Variants in CGN observed in about 807,000 individuals in gnomAD.
The protein encoded by CGN is cingulin.
A neutral mutation model predicts 157.1 loss-of-function variants in CGN; 121 were observed. That is an observed-to-expected ratio of 0.77 (90% CI 0.66 to 0.90). CGN has a LOEUF of 0.90. Ranked by LOEUF, CGN falls within the 40% of genes least tolerant of loss-of-function variation. The pLI is 0.00. For synonymous variants in CGN, 535 were observed against 607.5 expected, an observed-to-expected ratio of 0.88 and a Z score of 1.76; for missense variants, 1,424 against 1,520.9, an observed-to-expected ratio of 0.94 and a Z score of 1.06.
intron 10 of CGN, among the ~76,000 whole-genome samples, chr1:151,529,142 C>T (rs1411915191): frequency 6.6e-6 from 1 of 152,108 alleles, no homozygotes; most frequent in Non-Finnish European, 1.5e-5. Context: ...CACATATTTT[C>T]GGTTCTCTTG....
chr1:151,510,348 GAAC>G (rs1385105942), upstream of CGN, among the ~76,000 whole-genome samples: 1 of 152,130 alleles, frequency 6.6e-6, no homozygotes, highest in Non-Finnish European at 1.5e-5. Context: ...AACTAAATGA[GAAC>G]AAAATCCGGA....
intron 9 of CGN, among the ~76,000 whole-genome samples, chr1:151,526,100 T>C (rs1414904925): frequency 6.6e-6 from 1 of 151,982 alleles, no homozygotes. Flanking sequence ...CTCGAACTCC[T>C]GACCTCAGGT....
chr1:151,534,793 A>G (rs1040767491), intron 15 of CGN: 14 of 481,658 alleles, frequency 2.9e-5, no homozygotes, highest in Admixed American at 1.9e-4. Context: ...TGAAGAGTAG[A>G]TTCTGGGGTT....
chr1:151,534,471 C>G (rs1664912689), intron 15 of CGN: 1 of 310,404 alleles, frequency 3.2e-6, no homozygotes, highest in Admixed American at 5.1e-5. Context: ...ATAGCAGCAG[C>G]AAACATATTG....
chr1:151,524,769 C>A lies in CGN; in HGVS notation c.1497C>A (p.Ala499=). The A allele has an allele frequency of 6.2e-7, 1 of 1,612,716 alleles. No homozygotes were observed. The highest frequency in any genetic ancestry group is 8.5e-7 in the Non-Finnish European group (1 of 1,179,808). ...GGCTGCGGGAGCGGGAGTTGACAGC[C>A]CTGAAGGGGGCCCTGAAAGAGGAGG... The part of the protein sequence containing the change: ...QLRLRERELT[A]LKGALKEEVA... Residue 499 remains alanine, a synonymous_variant, in exon 8 of 21, where the codon GCC becomes GCA. Transcript: ENST00000271636. The surrounding 1 kb of genome is among the most constrained non-coding windows in gnomAD (Gnocchi z 4.4).
In CGN at chr1:151,529,422, C is replaced by T; in HGVS notation, c.1969C>T (p.His657Tyr). 6.2e-7 allele frequency: 1 copy of T among 1,613,764 alleles called. No individual in the cohort carries two copies. The highest frequency in any genetic ancestry group is 8.5e-7 in the Non-Finnish European group (1 of 1,179,882). Residue 657 changes from histidine to tyrosine, a missense_variant, in exon 11 of 21, where the codon CAC becomes TAC. Transcript: ENST00000271636. ...GCAGAGCCAGGAGGTGGCTGGGCGA[C>T]ACCGGGACCGGGAGTTGGAGAAGCA... is the stretch of plus-strand genomic sequence containing the variant. ...ERQSQEVAGR[H>Y]RDRELEKQLA...
Position 151,523,572 on chromosome 1 carries a change from C to A in CGN, c.1268+11C>A. ...GCAGAGCAACAAGGAGTGAGTGCAG[C>A]TGGTGGCGCACCTCGGGCTGCTTGG... On this transcript the variant is annotated intron_variant, in intron 6 of 20. Coordinates refer to ENST00000271636, the MANE Select transcript of CGN (RefSeq NM_020770.3). 6.3e-7 allele frequency: 1 copy of A among 1,597,236 alleles called. No individual in the cohort carries two copies. The highest frequency in any genetic ancestry group is 8.5e-7 in the Non-Finnish European group (1 of 1,172,694).
At position 151,518,889 on chromosome 1, in the gene CGN, C is replaced by T. The variant is rs1450110871; in HGVS notation, c.370C>T (p.Pro124Ser). The change falls in exon 2 of 21, where the codon CCT becomes TCT. Residue 124 changes from proline to serine, a missense_variant. By Grantham distance (74) the Pro-to-Ser change is moderately conservative. Transcript: ENST00000271636. Reference protein sequence around the residue: ...PSQSSTSDEEPGAYWNGKLLR... With the variant: ...PSQSSTSDEESGAYWNGKLLR... ...GCAGAGCAGCACATCTGATGAGGAG[C>T]CTGGGGCCTACTGGAATGGAAAGCT... 5 of 1,613,960 alleles carry T rather than the reference C, an allele frequency of 3.1e-6. No homozygotes were observed. Among genetic ancestry groups the T allele is most frequent in the Admixed American group, 1.7e-5 (1 of 59,982 alleles).
chr1:151,537,121 T>C, intron 20 of CGN, 84 bp from the exon 21 acceptor site: 3 of 1,464,282 alleles, frequency 2.0e-6, no homozygotes, highest in Non-Finnish European at 2.8e-6. Context: ...TTAGAAGAAT[T>C]GGGGTTTCCT....
At position 151,518,556 on chromosome 1, in the gene CGN, C is replaced by T. The variant is rs780503507; in HGVS notation, c.37C>T (p.Pro13Ser). The part of the protein sequence containing the change: ...QAPNMAEPRG[P>S]VDHGVQIRFI... ...ACCCAACATGGCTGAGCCCCGGGGC[C>T]CCGTAGACCATGGAGTCCAGATTCG... is the stretch of plus-strand genomic sequence containing the variant. Residue 13 changes from proline (P) to serine (S), a missense_variant, in exon 2 of 21, where the codon CCC becomes TCC. Transcript: ENST00000271636. 6.2e-6 allele frequency: 10 copies of T among 1,612,660 alleles called. No homozygotes were observed. Among genetic ancestry groups the T allele is most frequent in the Non-Finnish European group, 8.5e-6 (10 of 1,178,806 alleles).
chr1:151,536,496 C>A (rs1664971856), intron 19 of CGN, 151 bp downstream of exon 19: 2 of 642,346 alleles, frequency 3.1e-6, no homozygotes, highest in Non-Finnish European at 5.6e-6. Flanking sequence ...AAAGACTAGA[C>A]TAGAGAAGTC....
At chr1:151,533,836 T>G in intron 14 of CGN, 139 bp from the exon 15 acceptor site, 1 of 776,938 alleles carries the variant, frequency 1.3e-6, no homozygotes, top group Non-Finnish European at 2.0e-6. Context: ...TCAGTTTGCT[T>G]TTTATTGTCA....
At chr1:151,525,504 G>C in intron 8 of CGN, 138 bp from the exon 9 acceptor site, 1 of 528,488 alleles carries the variant, frequency 1.9e-6, no homozygotes, top group Non-Finnish European at 3.2e-6. Flanking sequence ...CATTGTACCA[G>C]GTACCACAAG....
chr1:151,513,223 T>C (rs1664340687), intron 1 of CGN, among the ~76,000 whole-genome samples: 1 of 152,236 alleles, frequency 6.6e-6, no homozygotes, highest in Non-Finnish European at 1.5e-5. Context: ...TGGTCTGCTT[T>C]ACAAGCTGCC....
chr1:151,514,099 G>A (rs998452080), intron 1 of CGN, among the ~76,000 whole-genome samples: 1 of 152,178 alleles, frequency 6.6e-6, no homozygotes, highest in Admixed American at 6.5e-5. Flanking sequence ...TTTCCATGTT[G>A]AATCATTTAG....
rs912640892 is a variant in CGN at position 151,511,861 on chromosome 1, GAGTT to G, written c.-15+351_-15+354del. Among the ~76,000 whole-genome samples, 14 of 152,132 alleles carry G rather than the reference GAGTT, an allele frequency of 9.2e-5. No homozygotes were observed. The highest frequency in any genetic ancestry group is 3.4e-4 in the African/African-American group (14 of 41,428). ...TGGAGACAGCGGTGGCGCGGGGAAGGAGTTAGTTCCAGCTGAGTCGGGAACTGCT... is the reference window on the plus strand; with the variant it reads ...TGGAGACAGCGGTGGCGCGGGGAAGGAGTTCCAGCTGAGTCGGGAACTGCT... On this transcript the variant is annotated intron_variant, in intron 1 of 20. Transcript: ENST00000271636. The surrounding 1 kb of genome is among the most constrained non-coding windows in gnomAD (Gnocchi z 4.8).
chr1:151,520,065 C>G (rs1445149288), intron 2 of CGN, 101 bp from the exon 3 acceptor site: 1 of 825,802 alleles, frequency 1.2e-6, no homozygotes, highest in Non-Finnish European at 1.9e-6. Context: ...TGACCTGAGA[C>G]TGCCACTTCT....
chr1:151,528,162 TGTTTCACCGTGAAACATG>T lies in CGN; in HGVS notation c.1896+1067_1896+1084del, dbSNP rs574853614. 9.7e-3 allele frequency among the ~76,000 whole-genome samples: 1,463 copies of T among 151,282 alleles called. 8 individuals carry two copies. The highest frequency in any genetic ancestry group is 0.015 in the Non-Finnish European group (1,012 of 67,820). The stretch of plus-strand genomic sequence containing the variant: ...TTACAAAAAAAATACACGTACTCAG[TGTTTCACCGTGAAACATG>T]GTTTCACCGTGTTAACCAGGTTGGT... On this transcript the variant is annotated intron_variant, in intron 10 of 20. Transcript: ENST00000271636.
chr1:151,534,752 CTT>C (rs1664917815), intron 15 of CGN: 1 of 359,038 alleles, frequency 2.8e-6, no homozygotes, highest in East Asian at 6.3e-5. Context: ...GTTTCTCTCT[CTT>C]TTCCCATTAG....
Sources: gnomAD v4.1 joint callset for allele counts (sites outside exome capture counted in the v4.1 genomes callset) on GRCh38, gnomAD v4.1.1 for gene constraint, Gnocchi (gnomAD v3.1) non-coding constraint, MANE v1.5 for transcripts, NCBI Gene and HGNC (gene_info 2026-07-23, HGNC 2026-07-21) for gene names.